Variants in PHIP observed in about 807,000 individuals in gnomAD.
PHIP encodes the protein PHIP subunit of CUL4-Ring ligase complex, also known as PH-interacting protein.
Under a neutral mutation model 236.8 loss-of-function variants are expected in PHIP, and 54 were observed. The observed-to-expected ratio is 0.23, with a 90% CI of 0.18 to 0.29. PHIP has a LOEUF of 0.29. Among genes scored for constraint, PHIP ranks in the 10% least tolerant of loss-of-function variants. The probability of loss-of-function intolerance (pLI) is 1.00; values close to 1 mark genes in which losing one functional copy is unlikely to be tolerated. For synonymous variants in PHIP, 756 were observed against 718.9 expected (o/e 1.05, Z -0.83); for missense variants, 1,370 against 2,190.8 (o/e 0.63, Z 7.48).
chr6:79,025,659 G>A, intron 8 of PHIP, 40 bp from the exon 9 acceptor site: 1 of 1,243,220 alleles, frequency 8.0e-7, no homozygotes, highest in Non-Finnish European at 1.2e-6. Flanking sequence ...TTACAAGAGT[G>A]ACACAGTCAA....
intron 7 of PHIP, among the ~76,000 whole-genome samples, chr6:79,039,972 T>TA (rs1218104301): frequency 1.3e-5 from 2 of 152,148 alleles, no homozygotes; most frequent in African/African-American, 4.8e-5. Flanking sequence ...ATTTTCCTAA[T>TA]ACAGAATTTC....
At chr6:79,025,024 T>G (rs1771326936) in intron 9 of PHIP, among the ~76,000 whole-genome samples, 1 of 152,082 alleles carries the variant, frequency 6.6e-6, no homozygotes, top group South Asian at 2.1e-4. Context: ...AAATGCAAAA[T>G]GTTATTATGG....
chr6:78,980,302 G>C (rs938883018), intron 23 of PHIP, among the ~76,000 whole-genome samples: 1 of 151,904 alleles, frequency 6.6e-6, no homozygotes, highest in African/African-American at 2.4e-5. Flanking sequence ...GGAGAAACAA[G>C]GAGAAACAGG....
Position 78,954,946 on chromosome 6 carries a change from T to C in PHIP, c.3921A>G (p.Arg1307=), listed in dbSNP as rs761901316. 3.4e-5 allele frequency: 53 copies of C among 1,562,932 alleles called. No homozygotes were observed. Among genetic ancestry groups the C allele is most frequent in the Non-Finnish European group, 4.6e-5 (53 of 1,161,688 alleles). Residue 1307 remains arginine (R), a synonymous_variant, in exon 35 of 40, where the codon AGA becomes AGG. Transcript: ENST00000275034. The part of the protein sequence containing the change: ...TRKRKDHQPR[R]RLRNRAQSYD... ...AAGACTGGGCTCTATTACGTAATCT[T>C]CTTCTAGGCTGATGGTCCTGTGATA...
intron 19 of PHIP, among the ~76,000 whole-genome samples, chr6:78,992,657 A>G (rs1320418915): frequency 6.6e-6 from 1 of 152,112 alleles, no homozygotes; most frequent in Non-Finnish European, 1.5e-5. Context: ...GTAATTTTTT[A>G]TGCTTCTATT....
At chr6:78,994,514 T>C (rs1207853088) in intron 19 of PHIP, among the ~76,000 whole-genome samples, 1 of 152,136 alleles carries the variant, frequency 6.6e-6, no homozygotes, top group Non-Finnish European at 1.5e-5. Flanking sequence ...GAGGTGGATG[T>C]TGCGGTGAGC....
At chr6:79,068,969 T>C (rs1017451602) in intron 4 of PHIP, among the ~76,000 whole-genome samples, 6 of 151,960 alleles carry the variant, frequency 3.9e-5, no homozygotes, top group African/African-American at 1.4e-4. Flanking sequence ...ACCTAATTGG[T>C]TCTAAAAAAG....
chr6:79,022,989 C>A (rs975655301), intron 9 of PHIP, among the ~76,000 whole-genome samples: 1 of 152,160 alleles, frequency 6.6e-6, no homozygotes, highest in Non-Finnish European at 1.5e-5. Flanking sequence ...CTATATCCTG[C>A]CAAATTTTTG....
intron 6 of PHIP, among the ~76,000 whole-genome samples, chr6:79,052,521 T>A (rs1772845956): frequency 1.3e-5 from 2 of 152,074 alleles, no homozygotes; most frequent in African/African-American, 4.8e-5. Flanking sequence ...AAGAATGGAG[T>A]AATATACATA....
chr6:79,067,609 TGCTTA>T (rs936590982), intron 4 of PHIP: 51 of 152,360 alleles, frequency 3.3e-4, no homozygotes, highest in African/African-American at 1.1e-3. Context: ...GCAATAACAA[TGCTTA>T]GCTTAATGGC....
chr6:78,978,862 G>T, intron 23 of PHIP, 151 bp from the exon 24 acceptor site: 1 of 526,206 alleles, frequency 1.9e-6, no homozygotes, highest in Non-Finnish European at 3.0e-6. Flanking sequence ...TGTATCCATG[G>T]GTTCCACATC....
At position 79,019,075 on chromosome 6, in the gene PHIP, T is replaced by A. The variant is rs1439395220; in HGVS notation, c.994+14A>T. The A allele has an allele frequency of 6.3e-7, 1 of 1,594,256 alleles. No homozygotes were observed. Among genetic ancestry groups the A allele is most frequent in the Non-Finnish European group, 8.6e-7 (1 of 1,162,356 alleles). The stretch of plus-strand genomic sequence containing the variant: ...AACAACTTTAAGTCGAAAATTAGAA[T>A]GAGGGAAACTTACCAGCACTAAAAG... On this transcript the variant is annotated intron_variant, in intron 10 of 39. Transcript: ENST00000275034.
At chr6:79,049,071 T>C (rs1035255567) in intron 6 of PHIP, among the ~76,000 whole-genome samples, 2 of 151,662 alleles carry the variant, frequency 1.3e-5, no homozygotes, top group African/African-American at 4.8e-5. Flanking sequence ...TTGACTAGTT[T>C]TACTTTTTTT....
intron 30 of PHIP, 56 bp from the exon 31 acceptor site, chr6:78,961,866 G>A (rs750189483): frequency 3.8e-5 from 52 of 1,369,496 alleles, no homozygotes; most frequent in Non-Finnish European, 5.1e-5. Flanking sequence ...AATAATTCAA[G>A]AAGAATTCTG....
intron 9 of PHIP, among the ~76,000 whole-genome samples, chr6:79,021,306 C>T (rs1771105448): frequency 6.6e-6 from 1 of 152,152 alleles, no homozygotes; most frequent in South Asian, 2.1e-4. Flanking sequence ...ACCACCATGC[C>T]CGGCTAATTC....
At chr6:78,989,838 C>T (rs1158383115) in intron 20 of PHIP, among the ~76,000 whole-genome samples, 1 of 152,112 alleles carries the variant, frequency 6.6e-6, no homozygotes, top group East Asian at 1.9e-4. Flanking sequence ...AAAAAAGGTA[C>T]GCTTTCCACT....
chr6:79,063,627 G>A (rs1306316668), intron 4 of PHIP, among the ~76,000 whole-genome samples: 1 of 152,130 alleles, frequency 6.6e-6, no homozygotes, highest in Admixed American at 6.6e-5. Context: ...ATGTTGACCA[G>A]GCTGGTCTCG....
At chr6:78,993,697 C>T (rs1292481851) in intron 19 of PHIP, among the ~76,000 whole-genome samples, 2 of 152,166 alleles carry the variant, frequency 1.3e-5, no homozygotes, top group Non-Finnish European at 2.9e-5. Context: ...AACATGATTG[C>T]TTTCAAAATA....
At chr6:79,077,768 C>G in intron 2 of PHIP, 39 bp from the exon 3 acceptor site, 1 of 980,762 alleles carries the variant, frequency 1.0e-6, no homozygotes, top group Middle Eastern at 5.2e-4. Context: ...CCCCGCGCCC[C>G]GGGCCGCGGC....
Sources: allele counts gnomAD v4.1 joint callset (sites outside exome capture counted in the v4.1 genomes callset), GRCh38; gene constraint gnomAD v4.1.1; transcripts MANE v1.5; gene names NCBI Gene and HGNC (gene_info 2026-07-23, HGNC 2026-07-21).